XAF1: variants seen among roughly 807,000 people sequenced by gnomAD.
The protein encoded by XAF1 is XIAP associated factor 1.
In XAF1, 32 loss-of-function variants were observed where a neutral mutation model predicts 32.3. That is an observed-to-expected ratio of 0.99 (90% CI 0.75 to 1.33). The LOEUF is 1.33. Among genes scored for constraint, XAF1 ranks in the 40% most tolerant of loss-of-function variants. XAF1 has a pLI of 0.00. For synonymous variants in XAF1, 120 were observed against 125.9 expected, an observed-to-expected ratio of 0.95 and a Z score of 0.31; for missense variants, 379 against 366.0, an observed-to-expected ratio of 1.04 and a Z score of -0.29.
intron 1 of XAF1, 142 bp downstream of exon 1, chr17:6,756,252 C>T: frequency 1.4e-6 from 2 of 1,404,432 alleles, no homozygotes; most frequent in Middle Eastern, 2.1e-4. Flanking sequence ...CCGTGGGCCC[C>T]AAGGGTAGGA....
intron 1 of XAF1, among the ~76,000 whole-genome samples, 185 bp from the exon 2 acceptor site, chr17:6,757,904 T>C (rs1295980132): frequency 6.6e-6 from 1 of 152,164 alleles, no homozygotes; most frequent in Non-Finnish European, 1.5e-5. Flanking sequence ...TTATTCTTAT[T>C]AGATGCTGCC....
At chr17:6,758,501 T>C (rs1974894438) in intron 2 of XAF1, 2 of 477,586 alleles carry the variant, frequency 4.2e-6, no homozygotes, top group Non-Finnish European at 7.4e-6. Context: ...GGTCTGGGAG[T>C]CAAGGCGAGT....
At chr17:6,761,023 G>A (rs570051932) in intron 4 of XAF1, among the ~76,000 whole-genome samples, 9 of 152,214 alleles carry the variant, frequency 5.9e-5, no homozygotes, top group South Asian at 2.1e-4. Context: ...GCGTGGTGGC[G>A]GACGCCTGTA....
rs754935831 is a variant in XAF1, at chr17:6,758,143, G to T, written c.87G>T (p.Arg29=). The change falls in exon 2 of 7, where the codon CGG becomes CGT. Residue 29 remains arginine (R), a synonymous_variant. Transcript: ENST00000361842. ...NFTLHEAYCL[R]FLVLCPECEE... The stretch of plus-strand genomic sequence containing the variant: ...CCCTCCATGAGGCTTACTGCCTGCG[G>T]TTCCTGGTCCTGTGTCCGGAGTGTG... The T allele has an allele frequency of 6.2e-7, 1 of 1,614,126 alleles. No homozygotes were observed. The highest frequency in any genetic ancestry group is 1.3e-5 in the African/African-American group (1 of 74,940).
At chr17:6,764,529 C>T (rs1296715882) in intron 5 of XAF1, among the ~76,000 whole-genome samples, 1 of 152,042 alleles carries the variant, frequency 6.6e-6, no homozygotes, top group Non-Finnish European at 1.5e-5. Context: ...AGGGGTACCA[C>T]TATTGAATAT....
intron 5 of XAF1, among the ~76,000 whole-genome samples, chr17:6,769,209 C>T (rs2151555708): frequency 1.3e-5 from 2 of 152,010 alleles, no homozygotes; most frequent in Non-Finnish European, 2.9e-5. Flanking sequence ...CTGTTTTTAG[C>T]CCATCCATTT....
chr17:6,755,870 C>T (rs528976207), upstream of XAF1: 73 of 1,386,500 alleles, frequency 5.3e-5, no homozygotes, highest in Admixed American at 1.8e-4. Flanking sequence ...CAAAGAATGA[C>T]GGCCAAGGGC....
Position 6,771,004 on chromosome 17 carries a change from T to C in XAF1, c.849+20T>C. On this transcript the variant is annotated intron_variant, in intron 6 of 6. Coordinates refer to ENST00000361842, the MANE Select transcript of XAF1 (RefSeq NM_017523.5). ...CATCAGGTACTCAGCCTCTGTTCTC[T>C]GCTTACCTTTCTGGGAACCATCCGC... The C allele has an allele frequency of 6.2e-7, 1 of 1,611,448 alleles. No individual in the cohort carries two copies. Among genetic ancestry groups the C allele is most frequent in the South Asian group, 1.1e-5 (1 of 90,858 alleles).
intron 3 of XAF1, chr17:6,760,020 G>A (rs59759507): frequency 0.022 from 11,759 of 540,872 alleles, 698 homozygotes; most frequent in African/African-American, 0.16. Context: ...TCCCTAGGGA[G>A]ATGGGCACAA....
At chr17:6,766,117 TTC>T (rs1443948172) in intron 5 of XAF1, among the ~76,000 whole-genome samples, 4 of 152,158 alleles carry the variant, frequency 2.6e-5, no homozygotes, top group Non-Finnish European at 4.4e-5. Flanking sequence ...ACTCTCTCAC[TTC>T]TCTCAAGTCT....
At chr17:6,763,205 G>A (rs1975350540) in intron 5 of XAF1, among the ~76,000 whole-genome samples, 1 of 152,164 alleles carries the variant, frequency 6.6e-6, no homozygotes, top group Non-Finnish European at 1.5e-5. Context: ...CTTCACATCA[G>A]TAGACTCATA....
intron 2 of XAF1, chr17:6,759,192 C>T: frequency 1.9e-6 from 2 of 1,028,466 alleles, no homozygotes; most frequent in Non-Finnish European, 1.2e-6. Flanking sequence ...AATGTTAATC[C>T]TGCCTTTTTC....
intron 4 of XAF1, chr17:6,761,927 G>T: frequency 6.6e-7 from 1 of 1,510,876 alleles, no homozygotes; most frequent in Non-Finnish European, 8.8e-7. Flanking sequence ...CATTACGGTT[G>T]CTGCTGCCCT....
chr17:6,762,473 A>C (rs1243561965), intron 5 of XAF1, among the ~76,000 whole-genome samples: 1 of 152,026 alleles, frequency 6.6e-6, no homozygotes, highest in African/African-American at 2.4e-5. Flanking sequence ...TTCCCTTGCC[A>C]CTCCCAACAC....
intron 2 of XAF1, 86 bp downstream of exon 2, chr17:6,758,310 G>A (rs1974864444): frequency 5.2e-6 from 8 of 1,538,308 alleles, no homozygotes; most frequent in Non-Finnish European, 5.3e-6. Context: ...CTGAGAGTTG[G>A]GGGACGAGGG....
intron 2 of XAF1, chr17:6,758,537 G>A (rs781076484): frequency 1.9e-4 from 82 of 422,484 alleles, no homozygotes; most frequent in South Asian, 8.6e-4. Flanking sequence ...CAGGACAGAT[G>A]GGGTCTGAGA....
chr17:6,756,992 C>T (rs112266690), intron 1 of XAF1, among the ~76,000 whole-genome samples: 2 of 134,754 alleles, frequency 1.5e-5, no homozygotes, highest in Middle Eastern at 3.8e-3. Flanking sequence ...CTTTCTTCTT[C>T]TTTTTTTTTT....
intron 5 of XAF1, among the ~76,000 whole-genome samples, chr17:6,770,359 A>G (rs1975927588): frequency 6.6e-6 from 1 of 152,098 alleles, no homozygotes; most frequent in Non-Finnish European, 1.5e-5. Flanking sequence ...TTCATGATCT[A>G]ATCACCCCCG....
intron 5 of XAF1, among the ~76,000 whole-genome samples, chr17:6,767,566 A>G (rs937735056): frequency 2.6e-5 from 4 of 152,232 alleles, no homozygotes; most frequent in Non-Finnish European, 5.9e-5. Flanking sequence ...CTTTTTTCTA[A>G]AGTATGTTAA....
Sources: allele counts gnomAD v4.1 joint callset (sites outside exome capture counted in the v4.1 genomes callset), GRCh38; gene constraint gnomAD v4.1.1; transcripts MANE v1.5; gene names NCBI Gene and HGNC (gene_info 2026-07-23, HGNC 2026-07-21).